PLXDC2: variants seen among roughly 807,000 people sequenced by gnomAD.
PLXDC2 encodes plexin domain containing 2.
Under a neutral mutation model 68.9 loss-of-function variants are expected in PLXDC2, and 40 were observed. The ratio of observed to expected loss-of-function variants is 0.58; its 90% CI spans 0.45 to 0.76. The LOEUF is 0.76. PLXDC2 is among the 30% of genes least tolerant of loss of function. The probability of loss-of-function intolerance (pLI) is 0.00; values close to 1 mark genes in which losing one functional copy is unlikely to be tolerated. For synonymous variants in PLXDC2, 243 were observed against 234.2 expected (o/e 1.04, Z -0.34); for missense variants, 644 against 661.9 (o/e 0.97, Z 0.30).
Position 20,113,400 on chromosome 10 carries a change from C to T in PLXDC2, c.542-29895C>T, listed in dbSNP as rs776672713. On this transcript the variant is annotated intron_variant, in intron 4 of 13. Coordinates refer to ENST00000377252, the MANE Select transcript of PLXDC2 (RefSeq NM_032812.9). ...ACTGGTACCATCATCTTCCATTGAACGCCTTCCTCAGCCCTTTCGCCCTTT... is the reference window on the plus strand; with the variant it reads ...ACTGGTACCATCATCTTCCATTGAATGCCTTCCTCAGCCCTTTCGCCCTTT... 3.3e-5 allele frequency among the ~76,000 whole-genome samples: 5 copies of T among 152,170 alleles called. 1 individual carries two copies. The highest frequency in any genetic ancestry group is 4.1e-4 in the South Asian group (2 of 4,828).
At chr10:19,876,782 A>T (rs956562707) in intron 1 of PLXDC2, among the ~76,000 whole-genome samples, 4 of 152,164 alleles carry the variant, frequency 2.6e-5, no homozygotes, top group African/African-American at 9.7e-5. Flanking sequence ...ACAATGTTGC[A>T]TAGCAGATAA....
intron 1 of PLXDC2, among the ~76,000 whole-genome samples, chr10:19,895,942 A>G (rs973526473): frequency 2.0e-5 from 3 of 152,106 alleles, no homozygotes; most frequent in Non-Finnish European, 4.4e-5. Context: ...AAAAAGGAAA[A>G]GTAGGTCTGA....
At chr10:19,865,006 T>A (rs78556431) in intron 1 of PLXDC2, among the ~76,000 whole-genome samples, 1 of 152,142 alleles carries the variant, frequency 6.6e-6, no homozygotes, top group Non-Finnish European at 1.5e-5. Context: ...ACAGAGAGGA[T>A]GATGTCTTAG....
chr10:20,245,202 C>A (rs1835575675), intron 12 of PLXDC2, 143 bp from the exon 13 acceptor site: 1 of 739,854 alleles, frequency 1.4e-6, no homozygotes. Context: ...AGCACGTCAC[C>A]TGTAAAATTG....
chr10:19,904,497 C>T (rs1284813686), intron 1 of PLXDC2, among the ~76,000 whole-genome samples: 1 of 152,082 alleles, frequency 6.6e-6, no homozygotes, highest in African/African-American at 2.4e-5. Context: ...CCACCCCCAG[C>T]AACAGCATTG....
chr10:19,897,642 T>C (rs1838083311), intron 1 of PLXDC2, among the ~76,000 whole-genome samples: 1 of 152,184 alleles, frequency 6.6e-6, no homozygotes, highest in Non-Finnish European at 1.5e-5. Context: ...TTTAAGCTTT[T>C]TTAAGACTAT....
chr10:20,266,153 A>G (rs2681931), intron 13 of PLXDC2, among the ~76,000 whole-genome samples: 130,743 of 152,138 alleles, frequency 0.86, 56,643 homozygotes, highest in Middle Eastern at 0.95. Flanking sequence ...GTAATGAGAA[A>G]TCAGGGAAAA....
chr10:19,938,447 G>C (rs1039224523), intron 1 of PLXDC2, among the ~76,000 whole-genome samples: 1 of 152,178 alleles, frequency 6.6e-6, no homozygotes, highest in Non-Finnish European at 1.5e-5. Flanking sequence ...GAGGTTTACT[G>C]ATGGTGGAAG....
chr10:20,135,389 G>C (rs983669511), intron 4 of PLXDC2, among the ~76,000 whole-genome samples: 2 of 152,168 alleles, frequency 1.3e-5, no homozygotes, highest in Admixed American at 1.3e-4. Flanking sequence ...GAAGCATTTA[G>C]GGAGGTGGGG....
intron 2 of PLXDC2, among the ~76,000 whole-genome samples, chr10:20,034,104 C>G (rs951269133): frequency 1.3e-5 from 2 of 152,108 alleles, no homozygotes; most frequent in African/African-American, 4.8e-5. Context: ...CAAGGTTTAG[C>G]TATACATTGT....
At chr10:19,946,339 C>T (rs1024679830) in intron 1 of PLXDC2, among the ~76,000 whole-genome samples, 4 of 152,102 alleles carry the variant, frequency 2.6e-5, no homozygotes, top group African/African-American at 9.7e-5. Flanking sequence ...TCAGCTTCCA[C>T]TCTATCTCTT....
intron 13 of PLXDC2, among the ~76,000 whole-genome samples, chr10:20,271,850 A>C (rs552646404): frequency 6.6e-6 from 1 of 152,172 alleles, no homozygotes; most frequent in African/African-American, 2.4e-5. Flanking sequence ...TGTAGAAGGG[A>C]TGGAAGTGGA....
At chr10:20,122,233 A>C (rs1471394814) in intron 4 of PLXDC2, among the ~76,000 whole-genome samples, 1 of 152,160 alleles carries the variant, frequency 6.6e-6, no homozygotes, top group Non-Finnish European at 1.5e-5. Context: ...GAGGTTTAGA[A>C]GCCTGGCTGT....
At chr10:19,938,557 C>T (rs1833766321) in intron 1 of PLXDC2, among the ~76,000 whole-genome samples, 1 of 152,080 alleles carries the variant, frequency 6.6e-6, no homozygotes, top group Non-Finnish European at 1.5e-5. Flanking sequence ...CTAGAACTCA[C>T]TCACCATCAT....
chr10:20,287,979 C>CCGGGGGGG lies in PLXDC2; in HGVS notation c.*8160_*8161insCGGGGGGG, dbSNP rs1554781439. On this transcript the variant is annotated 3_prime_UTR_variant, in exon 14 of 14. Transcript: ENST00000377252. ...AGAAGAAATTGGGCACTTCTTGCGG[C>CCGGGGGGG]GGGGGAGGGGGGGGGGGCGGTGGCT... 10 of 12,406 alleles carry CCGGGGGGG rather than the reference C, an allele frequency of 8.1e-4. No homozygotes were observed. The highest frequency in any genetic ancestry group is 0.056 in the Middle Eastern group (1 of 18). The allele number at this position is 12,406 out of a possible 1,614,324, so 0.8% of individuals were successfully genotyped here. A position where few individuals can be genotyped will look rare whatever the true frequency, so the allele number is the denominator to read the frequency against.
chr10:19,843,711 T>C (rs577242873), intron 1 of PLXDC2, among the ~76,000 whole-genome samples: 4 of 151,996 alleles, frequency 2.6e-5, no homozygotes, highest in African/African-American at 7.3e-5. Context: ...ATGTGGGAGC[T>C]AAAAAAATGT....
intron 2 of PLXDC2, among the ~76,000 whole-genome samples, chr10:20,030,218 C>CAAGA (rs1348371658): frequency 4.3e-5 from 6 of 138,682 alleles, no homozygotes; most frequent in Non-Finnish European, 8.0e-5. Context: ...AAACAAGAAA[C>CAAGA]AACAACAACA....
At chr10:20,146,627 G>A (rs1834085437) in intron 5 of PLXDC2, among the ~76,000 whole-genome samples, 1 of 143,504 alleles carries the variant, frequency 7.0e-6, no homozygotes, top group South Asian at 2.3e-4. Context: ...ATGGCTAAAA[G>A]CACCAAGGTC....
At chr10:20,255,337 A>AT (rs1297189097) in intron 13 of PLXDC2, among the ~76,000 whole-genome samples, 20 of 152,246 alleles carry the variant, frequency 1.3e-4, no homozygotes, top group African/African-American at 4.6e-4. Flanking sequence ...GAATTATGAC[A>AT]TTTTAAGGAC....
Sources: allele counts gnomAD v4.1 joint callset (sites outside exome capture counted in the v4.1 genomes callset), GRCh38; gene constraint gnomAD v4.1.1; transcripts MANE v1.5; gene names NCBI Gene and HGNC (gene_info 2026-07-23, HGNC 2026-07-21).